Variants in ARHGEF4 observed in about 807,000 individuals in gnomAD.
ARHGEF4 encodes the protein Rho guanine nucleotide exchange factor 4.
In ARHGEF4, 119 loss-of-function variants were observed where a neutral mutation model predicts 162.0. That is an observed-to-expected ratio of 0.73 (90% CI 0.63 to 0.86). The LOEUF (loss-of-function observed/expected upper bound fraction) is 0.86. Among genes scored for constraint, ARHGEF4 ranks in the 40% least tolerant of loss-of-function variants. ARHGEF4 has a pLI of 0.00. For missense variants in ARHGEF4, 2,488 were observed against 2,456.0 expected (o/e 1.01, Z -0.28); for synonymous variants, 1,014 against 979.9 (o/e 1.03, Z -0.65).
intron 4 of ARHGEF4, among the ~76,000 whole-genome samples, chr2:131,026,402 C>T (rs533393171): frequency 6.6e-6 from 1 of 152,268 alleles, no homozygotes; most frequent in South Asian, 2.1e-4. Flanking sequence ...GACTTCCGTT[C>T]TTCAAAAGGC....
At chr2:130,928,116 A>T (rs1682405923) in intron 2 of ARHGEF4, among the ~76,000 whole-genome samples, 1 of 152,018 alleles carries the variant, frequency 6.6e-6, no homozygotes, top group Non-Finnish European at 1.5e-5. Flanking sequence ...GGTGAATTTC[A>T]TATTTATTTC....
At chr2:130,931,978 A>G (rs1430374828) in intron 3 of ARHGEF4, among the ~76,000 whole-genome samples, 4 of 152,192 alleles carry the variant, frequency 2.6e-5, no homozygotes, top group African/African-American at 9.7e-5. Context: ...GGCATTTAGT[A>G]TATTCATTCA....
chr2:130,959,676 T>C (rs1389311544), intron 4 of ARHGEF4, among the ~76,000 whole-genome samples: 1 of 152,232 alleles, frequency 6.6e-6, no homozygotes, highest in Non-Finnish European at 1.5e-5. Flanking sequence ...CCTGCAAAAG[T>C]AGTTGTCAGT....
chr2:131,034,464 G>T (rs1690085779), intron 5 of ARHGEF4, among the ~76,000 whole-genome samples: 1 of 152,170 alleles, frequency 6.6e-6, no homozygotes, highest in South Asian at 2.1e-4. Flanking sequence ...CGGACGCTGC[G>T]GTCAGTGAAG....
At chr2:131,030,500 G>A (rs1170354446) in intron 5 of ARHGEF4, among the ~76,000 whole-genome samples, 1 of 152,348 alleles carries the variant, frequency 6.6e-6, no homozygotes, top group African/African-American at 2.4e-5. Flanking sequence ...TAGGGCGCGT[G>A]TCCCCAGGGA....
At chr2:130,841,354 G>A (rs1473231243) in intron 1 of ARHGEF4, among the ~76,000 whole-genome samples, 4 of 150,584 alleles carry the variant, frequency 2.7e-5, no homozygotes, top group East Asian at 2.0e-4. Flanking sequence ...ATGAGCCACC[G>A]CGCCAGGCCT....
chr2:130,893,757 CT>C (rs1209336365), intron 1 of ARHGEF4, among the ~76,000 whole-genome samples: 1 of 152,214 alleles, frequency 6.6e-6, no homozygotes, highest in Non-Finnish European at 1.5e-5. Flanking sequence ...TCCCAGTCCC[CT>C]GCCCCTTGAA....
At chr2:130,977,055 GT>G (rs1411696450) in intron 4 of ARHGEF4, among the ~76,000 whole-genome samples, 7 of 150,290 alleles carry the variant, frequency 4.7e-5, no homozygotes, top group Admixed American at 4.6e-4. Flanking sequence ...TTGGTGTGTG[GT>G]GTGTTTTGTA....
chr2:130,985,218 G>A (rs1223924077), intron 4 of ARHGEF4, among the ~76,000 whole-genome samples: 1 of 152,130 alleles, frequency 6.6e-6, no homozygotes, highest in African/African-American at 2.4e-5. Context: ...AAAGAGAGAT[G>A]GAAACTCGCT....
chr2:130,899,026 G>T (rs1180476571), intron 1 of ARHGEF4, among the ~76,000 whole-genome samples: 1 of 152,134 alleles, frequency 6.6e-6, no homozygotes, highest in East Asian at 1.9e-4. Context: ...AGCCCCTCCA[G>T]CTCACAGCCA....
At chr2:130,872,944 C>T (rs946421403) in intron 1 of ARHGEF4, among the ~76,000 whole-genome samples, 1 of 152,324 alleles carries the variant, frequency 6.6e-6, no homozygotes, top group East Asian at 1.9e-4. Context: ...CTACCTGGGG[C>T]ATGCATGCAG....
chr2:130,976,332 C>CGT (rs978370319), intron 4 of ARHGEF4, among the ~76,000 whole-genome samples: 57 of 106,920 alleles, frequency 5.3e-4, no homozygotes, highest in Middle Eastern at 4.9e-3. Flanking sequence ...GCCCCAGAAT[C>CGT]GTGTGTGTGT....
chr2:130,938,868 CTT>C (rs1683118306), intron 3 of ARHGEF4, among the ~76,000 whole-genome samples: 1 of 152,124 alleles, frequency 6.6e-6, no homozygotes, highest in African/African-American at 2.4e-5. Context: ...CATCATTGTA[CTT>C]TTCACATTTA....
At chr2:130,950,484 C>T (rs1201507475) in intron 4 of ARHGEF4, among the ~76,000 whole-genome samples, 3 of 152,234 alleles carry the variant, frequency 2.0e-5, no homozygotes, top group South Asian at 2.1e-4. Context: ...TTTCTTCAAA[C>T]CACTTTGTTG....
chr2:130,982,647 G>A (rs1022662645), intron 4 of ARHGEF4, among the ~76,000 whole-genome samples: 1 of 133,150 alleles, frequency 7.5e-6, no homozygotes, highest in Non-Finnish European at 1.5e-5. Context: ...TTTACTGTAG[G>A]CCAAAAGAAT....
At chr2:131,022,991 C>A (rs1327121855) in intron 4 of ARHGEF4, among the ~76,000 whole-genome samples, 1 of 130,756 alleles carries the variant, frequency 7.6e-6, no homozygotes, top group Non-Finnish European at 1.6e-5. Context: ...CCTGTGATCC[C>A]AGCTACTTGG....
In ARHGEF4 at chr2:131,040,352, G is replaced by A. The variant is rs915397587; in HGVS notation, c.4574G>A (p.Cys1525Tyr). 1 of 1,611,942 alleles carries A rather than the reference G, an allele frequency of 6.2e-7. No homozygotes were observed. The highest frequency in any genetic ancestry group is 1.3e-5 in the African/African-American group (1 of 75,026). Residue 1525 changes from cysteine (C) to tyrosine (Y), a missense_variant, in exon 8 of 14, where the codon TGC becomes TAC. Around this residue, in one of 6 missense-constraint regions of ARHGEF4, gnomAD observed 415 missense variants for 512.4 expected, o/e 0.81. Transcript: ENST00000409359. The part of the protein sequence containing the change: ...IFGNIEDIYR[C>Y]QKAFVKALEQ... ...GGGAACATCGAGGACATCTACCGCTGCCAGAAGGCCTTCGTGAAGGCCCTG... is the reference window on the plus strand; with the variant it reads ...GGGAACATCGAGGACATCTACCGCTACCAGAAGGCCTTCGTGAAGGCCCTG...
In ARHGEF4 at chr2:130,916,405, AG is replaced by A. The variant is rs1024079665; in HGVS notation, c.2462del (p.Gly821ValfsTer103). ...SPGGVPAPTTEGRRWGSSGPE... is the reference protein window; with the variant it reads ...SPGGVPAPTTXGRRWGSSGPE... The stretch of plus-strand genomic sequence containing the variant: ...GGAGGGGTCCCGGCCCCGACCACCG[AG>A]GGTCGCCGCTGGGGCTCTTCAGGCC... On this transcript the variant is annotated frameshift_variant, in exon 2 of 14. Coordinates refer to ENST00000409359, the MANE Select transcript of ARHGEF4 (RefSeq NM_001367493.1). LOFTEE classifies it high-confidence loss of function. 4 of 1,528,670 alleles carry A rather than the reference AG, an allele frequency of 2.6e-6. No individual in the cohort carries two copies. In the African/African-American group the frequency reaches 4.2e-5, roughly 16 times the overall value. 94.7% of individuals were successfully genotyped at this position (1,528,670 alleles called of 1,614,324 possible). A position where few individuals can be genotyped will look rare whatever the true frequency, so the allele number is the denominator to read the frequency against.
intron 4 of ARHGEF4, among the ~76,000 whole-genome samples, chr2:130,994,429 A>G (rs2105293222): frequency 6.6e-6 from 1 of 152,334 alleles, no homozygotes; most frequent in African/African-American, 2.4e-5. Context: ...TATCTTATAA[A>G]AGCCAAATAT....
Sources: allele counts gnomAD v4.1 joint callset (sites outside exome capture counted in the v4.1 genomes callset), GRCh38; gene constraint gnomAD v4.1.1; regional missense constraint gnomAD v4.1.1; transcripts MANE v1.5; gene names NCBI Gene and HGNC (gene_info 2026-07-23, HGNC 2026-07-21).